Variants in SIK2 observed in about 807,000 individuals in gnomAD.
SIK2 encodes the protein serine/threonine-protein kinase SIK2.
Under a neutral mutation model 103.2 loss-of-function variants are expected in SIK2, and 29 were observed. That is an observed-to-expected ratio of 0.28 (90% CI 0.21 to 0.38). The LOEUF (loss-of-function observed/expected upper bound fraction) is 0.38, where lower values mean the gene tolerates loss of function less well. SIK2 is among the 10% of genes least tolerant of loss of function. SIK2 has a pLI of 1.00. For missense variants in SIK2, 879 were observed against 1,171.0 expected, an observed-to-expected ratio of 0.75 and a Z score of 3.64; for synonymous variants, 412 against 446.1, an observed-to-expected ratio of 0.92 and a Z score of 0.96.
At chr11:111,666,331 C>G (rs556655940) in intron 3 of SIK2, among the ~76,000 whole-genome samples, 4 of 152,160 alleles carry the variant, frequency 2.6e-5, no homozygotes, top group African/African-American at 9.6e-5. Context: ...ATTTCCTGAC[C>G]TGTTATAAAA....
In SIK2 at chr11:111,701,879, A is replaced by G. The variant is rs1253262941; in HGVS notation, c.727+304A>G. Among the ~76,000 whole-genome samples, 1 of 152,214 alleles carries G rather than the reference A, an allele frequency of 6.6e-6. No individual in the cohort carries two copies. Among genetic ancestry groups the G allele is most frequent in the Non-Finnish European group, 1.5e-5 (1 of 68,044 alleles). On this transcript the variant is annotated intron_variant, in intron 6 of 14. Coordinates refer to ENST00000304987, the MANE Select transcript of SIK2 (RefSeq NM_015191.3). This position sits in a 1 kb window ranked among gnomAD's most constrained non-coding sequence, Gnocchi z 4.2. ...CGAAGCCCTTTGTAGATACAGATTC[A>G]CAACCATTTTACTCCAATATGAAAT... is the stretch of plus-strand genomic sequence containing the variant.
At chr11:111,682,547 A>T (rs952088851) in intron 3 of SIK2, among the ~76,000 whole-genome samples, 3 of 152,238 alleles carry the variant, frequency 2.0e-5, no homozygotes, top group Non-Finnish European at 4.4e-5. Flanking sequence ...ATGTAAGAAA[A>T]TGTCATTTTT....
Position 111,602,732 on chromosome 11 carries a change from C to T in SIK2, c.135+34C>T. The T allele has an allele frequency of 6.8e-7, 1 of 1,471,498 alleles. No individual in the cohort carries two copies. 91.2% of individuals were successfully genotyped at this position (1,471,498 alleles called of 1,614,324 possible). ...CGGGGCTCGGCGGGAGCGTCCGAGG[C>T]GAGGGTTCGGGAGAGGAGCTGCTTA... On this transcript the variant is annotated intron_variant, in intron 1 of 14. Transcript: ENST00000304987. This position sits in a 1 kb window ranked among gnomAD's most constrained non-coding sequence, Gnocchi z 4.5.
rs1469502226 is a variant in SIK2 at position 111,724,009 on chromosome 11, A to T, written c.2661A>T (p.Gly887=). The part of the protein sequence containing the change: ...LTGPDCPRSP[G]LQEAPSSYDP... ...GGCCAGACTGTCCCAGAAGCCCAGG[A>T]CTGCAAGAGGCCCCCTCCAGCTACG... is the stretch of plus-strand genomic sequence containing the variant. Residue 887 remains glycine (G), a synonymous_variant, in exon 15 of 15, where the codon GGA becomes GGT. Transcript: ENST00000304987. The T allele has an allele frequency of 6.2e-7, 1 of 1,614,194 alleles. No individual in the cohort carries two copies. The highest frequency in any genetic ancestry group is 1.7e-5 in the Admixed American group (1 of 60,020).
chr11:111,679,989 G>T (rs572282656), intron 3 of SIK2, among the ~76,000 whole-genome samples: 1 of 152,226 alleles, frequency 6.6e-6, no homozygotes, highest in South Asian at 2.1e-4. Context: ...GGGCATGGTA[G>T]CAGGCACCTG....
At chr11:111,707,414 T>C (rs1392278966) in intron 8 of SIK2, among the ~76,000 whole-genome samples, 2 of 152,242 alleles carry the variant, frequency 1.3e-5, no homozygotes, top group Non-Finnish European at 1.5e-5. Flanking sequence ...TGACTTCTTA[T>C]GTTCGATAAT....
At chr11:111,661,607 A>G (rs1049339018) in intron 3 of SIK2, among the ~76,000 whole-genome samples, 1 of 152,234 alleles carries the variant, frequency 6.6e-6, no homozygotes, top group Admixed American at 6.5e-5. Flanking sequence ...GAGACTGTGT[A>G]TTAGTTGATT....
rs1031283050 is a variant in SIK2, at chr11:111,667,441, T to TA, written c.317-20559dup. 2.6e-5 allele frequency among the ~76,000 whole-genome samples: 4 copies of TA among 151,682 alleles called. No homozygotes were observed. The East Asian group carries it at 7.8e-4, about 29-fold the overall frequency. ...AACAATAATAGGGATCAGTGAGAAA[T>TA]ATGTAAGATTTTTAAATGATACTGA... On this transcript the variant is annotated intron_variant, in intron 3 of 14. Transcript: ENST00000304987.
Position 111,722,611 on chromosome 11 carries a change from G to A in SIK2, c.2056-54G>A. 6.5e-7 allele frequency: 1 copy of A among 1,531,092 alleles called. No homozygotes were observed. The highest frequency in any genetic ancestry group is 9.0e-7 in the Non-Finnish European group (1 of 1,111,804). 94.8% of individuals were successfully genotyped at this position (1,531,092 alleles called of 1,614,324 possible). A position where few individuals can be genotyped will look rare whatever the true frequency, so the allele number is the denominator to read the frequency against. ...GCAGGCAGAAGCACATCTGATGACT[G>A]CATCCTAGGTGACAGCACATTGTCA... On this transcript the variant is annotated intron_variant, in intron 13 of 14. Coordinates refer to ENST00000304987, the MANE Select transcript of SIK2 (RefSeq NM_015191.3). This position sits in a 1 kb window ranked among gnomAD's most constrained non-coding sequence, Gnocchi z 4.4.
chr11:111,678,489 G>A (rs755271527), intron 3 of SIK2, among the ~76,000 whole-genome samples: 1 of 152,164 alleles, frequency 6.6e-6, no homozygotes, highest in African/African-American at 2.4e-5. Context: ...CTGAAAAAAA[G>A]TCAGGACAGT....
chr11:111,651,429 G>T (rs1334815153), intron 3 of SIK2, among the ~76,000 whole-genome samples: 2 of 152,116 alleles, frequency 1.3e-5, no homozygotes, highest in Non-Finnish European at 2.9e-5. Flanking sequence ...ACTAATGCCG[G>T]AACAAAAAGC....
intron 3 of SIK2, among the ~76,000 whole-genome samples, chr11:111,652,128 A>G (rs1942334328): frequency 6.6e-6 from 1 of 152,246 alleles, no homozygotes; most frequent in Admixed American, 6.5e-5. Context: ...TACAGAAATA[A>G]AAAAGATAAA....
At chr11:111,635,351 GAAAGAGAAAGAGA>G (rs1247590205) in intron 3 of SIK2, among the ~76,000 whole-genome samples, 2 of 145,612 alleles carry the variant, frequency 1.4e-5, no homozygotes, top group Non-Finnish European at 3.0e-5. Flanking sequence ...AAAAAAGAAA[GAAAGAGAAAGAGA>G]AAAGAGAAGA....
At chr11:111,687,514 C>CAA (rs35674513) in intron 3 of SIK2, among the ~76,000 whole-genome samples, 162 of 125,028 alleles carry the variant, frequency 1.3e-3, no homozygotes, top group Middle Eastern at 8.5e-3. Context: ...GACTCCATCT[C>CAA]AAAAAAAAAA....
intron 3 of SIK2, among the ~76,000 whole-genome samples, chr11:111,647,027 TA>T (rs1024057035): frequency 2.0e-5 from 3 of 152,240 alleles, no homozygotes; most frequent in African/African-American, 7.2e-5. Flanking sequence ...TTAACTACTT[TA>T]AAAATATAAG....
chr11:111,689,210 A>T (rs1014133490), intron 4 of SIK2, among the ~76,000 whole-genome samples: 3 of 152,180 alleles, frequency 2.0e-5, no homozygotes, highest in South Asian at 2.1e-4. Flanking sequence ...AGACCAGAAT[A>T]TGAAACATCT....
intron 3 of SIK2, chr11:111,671,682 C>A: frequency 2.6e-6 from 1 of 379,476 alleles, no homozygotes. Flanking sequence ...TCTGGGACAG[C>A]AGCTCCTGGA....
chr11:111,608,538 A>G (rs1941677530), intron 1 of SIK2, among the ~76,000 whole-genome samples: 1 of 152,240 alleles, frequency 6.6e-6, no homozygotes, highest in Non-Finnish European at 1.5e-5. Context: ...TATATTTTAT[A>G]TGTATGTAAT....
At chr11:111,703,181 T>A in intron 6 of SIK2, 22 bp from the exon 7 acceptor site, 1 of 1,609,486 alleles carries the variant, frequency 6.2e-7, no homozygotes. Context: ...TTGTGACTTT[T>A]GTAACATTGT....
Sources: gnomAD v4.1 joint callset for allele counts (sites outside exome capture counted in the v4.1 genomes callset) on GRCh38, gnomAD v4.1.1 for gene constraint, Gnocchi (gnomAD v3.1) non-coding constraint, MANE v1.5 for transcripts, NCBI Gene and HGNC (gene_info 2026-07-23, HGNC 2026-07-21) for gene names.